Variants in RGSL1 observed in about 807,000 individuals in gnomAD.
The protein encoded by RGSL1 is regulator of G protein signaling protein-like.
RGSL1 carries 97 observed loss-of-function variants against 124.7 expected under a neutral mutation model. That is an observed-to-expected ratio of 0.78 (90% CI 0.66 to 0.92). RGSL1 has a LOEUF of 0.92. RGSL1 is among the 40% of genes least tolerant of loss of function. The pLI, the probability that RGSL1 is intolerant of heterozygous loss-of-function variation, is 0.00. For missense variants in RGSL1, 1,233 were observed against 1,288.4 expected (o/e 0.96, Z 0.66); for synonymous variants, 424 against 438.1 (o/e 0.97, Z 0.40).
intron 9 of RGSL1, among the ~76,000 whole-genome samples, chr1:182,509,794 G>A (rs1410076795): frequency 8.1e-6 from 1 of 123,372 alleles, no homozygotes; most frequent in African/African-American, 3.1e-5. Flanking sequence ...TCCCGGATGG[G>A]GCGGCTGGCC....
intron 14 of RGSL1, 101 bp downstream of exon 14, chr1:182,532,892 CCTGGAGTCTAG>C: frequency 7.5e-7 from 1 of 1,337,632 alleles, no homozygotes; most frequent in Admixed American, 2.4e-5. Flanking sequence ...CCTGCGGCAG[CCTGGAGTCTAG>C]CAAAAAAACC....
At chr1:182,519,237 A>G (rs1440934333) in intron 9 of RGSL1, among the ~76,000 whole-genome samples, 2 of 84,082 alleles carry the variant, frequency 2.4e-5, no homozygotes, top group Non-Finnish European at 5.0e-5. Flanking sequence ...TGTTCTGCCA[A>G]GCTGCCATCT....
intron 4 of RGSL1, among the ~76,000 whole-genome samples, chr1:182,463,121 G>A (rs753397458): frequency 2.6e-5 from 4 of 151,806 alleles, no homozygotes; most frequent in Non-Finnish European, 4.4e-5. Flanking sequence ...GTGAAACCCC[G>A]TCTCTATTAA....
chr1:182,530,621 T>G (rs1024165155), intron 12 of RGSL1, among the ~76,000 whole-genome samples, 169 bp from the exon 13 acceptor site: 3 of 151,924 alleles, frequency 2.0e-5, no homozygotes, highest in Admixed American at 2.0e-4. Context: ...GAAGGTTAGG[T>G]TGACATTAAC....
intron 4 of RGSL1, among the ~76,000 whole-genome samples, chr1:182,464,262 C>A (rs1253940620): frequency 6.6e-6 from 1 of 152,068 alleles, no homozygotes; most frequent in Admixed American, 6.5e-5. Flanking sequence ...CACAACTTTA[C>A]AACTTAAGGC....
chr1:182,554,598 A>T lies in RGSL1; in HGVS notation c.3131-29A>T, dbSNP rs552619709. 11 of 1,548,090 alleles carry T rather than the reference A, an allele frequency of 7.1e-6. No individual in the cohort carries two copies. The East Asian group carries it at 2.4e-4, about 34-fold the overall frequency. ...GACTGCGTCTATGTCATGAGTCCTGATGCAATTTTTCTCTGTATTTCTCTT... is the reference window on the plus strand; with the variant it reads ...GACTGCGTCTATGTCATGAGTCCTGTTGCAATTTTTCTCTGTATTTCTCTT... On this transcript the variant is annotated intron_variant, in intron 19 of 21. Transcript: ENST00000294854.
At chr1:182,535,082 T>C (rs896086268) in intron 14 of RGSL1, among the ~76,000 whole-genome samples, 13 of 152,160 alleles carry the variant, frequency 8.5e-5, no homozygotes, top group African/African-American at 2.4e-4. Flanking sequence ...ATTTGAAATA[T>C]AGCATACTTA....
At position 182,488,120 on chromosome 1, in the gene RGSL1, G is replaced by T. The variant is rs557853566; in HGVS notation, c.1432-165G>T. Among the ~76,000 whole-genome samples, 14 of 152,324 alleles carry T rather than the reference G, an allele frequency of 9.2e-5. No homozygotes were observed. In the South Asian group the frequency reaches 2.5e-3, roughly 27 times the overall value. On this transcript the variant is annotated intron_variant, in intron 6 of 21. Coordinates refer to ENST00000294854, the MANE Select transcript of RGSL1 (RefSeq NM_001137669.2). ...TTAGCTGCTCTATTCAGAGATAAAA[G>T]AATGCCTCCTGGTTGGTCATAGCTA... is the stretch of plus-strand genomic sequence containing the variant.
In RGSL1 at chr1:182,530,250, T is replaced by C; in HGVS notation, c.2132T>C (p.Met711Thr). 1 of 1,549,474 alleles carries C rather than the reference T, an allele frequency of 6.5e-7. No homozygotes were observed. The highest frequency in any genetic ancestry group is 1.2e-5 in the South Asian group (1 of 83,734). Residue 711 changes from methionine (M) to threonine (T), a missense_variant, in exon 12 of 22, where the codon ATG (methionine) becomes ACG (threonine). Met to Thr is a moderately conservative substitution (Grantham distance 81). Coordinates refer to ENST00000294854, the MANE Select transcript of RGSL1 (RefSeq NM_001137669.2). The stretch of plus-strand genomic sequence containing the variant: ...TCTCTCTTGCATTTTCTAGAAGAAA[T>C]GCTGCAGTGTGATGCCCCTATTATC... Reference protein sequence around the residue: ...FFQGQLSPEEMLQCDAPIIKE... With the variant: ...FFQGQLSPEETLQCDAPIIKE...
Position 182,473,944 on chromosome 1 carries a change from C to A in RGSL1, c.833C>A (p.Pro278His). ...CTCAAGCCAGATGCTATTGGTATGC[C>A]CCTACAGGAGACATGTCCTCAAGAG... is the stretch of plus-strand genomic sequence containing the variant. ...MDLKPDAIGMPLQETCPQEKV... is the reference protein window; with the variant it reads ...MDLKPDAIGMHLQETCPQEKV... Residue 278 changes from proline (P) to histidine (H), a missense_variant, in exon 6 of 22, where the codon CCC becomes CAC. Physicochemically the swap from Pro to His is moderately conservative, Grantham distance 77 (BLOSUM62 -2). Coordinates refer to ENST00000294854, the MANE Select transcript of RGSL1 (RefSeq NM_001137669.2). 6.4e-7 allele frequency: 1 copy of A among 1,551,992 alleles called. No individual in the cohort carries two copies. The highest frequency in any genetic ancestry group is 2.4e-5 in the East Asian group (1 of 40,918).
At chr1:182,477,263 G>A (rs1654364381) in intron 6 of RGSL1, among the ~76,000 whole-genome samples, 1 of 152,124 alleles carries the variant, frequency 6.6e-6, no homozygotes, top group South Asian at 2.1e-4. Flanking sequence ...CTCATCTCCT[G>A]TGGACTCAGT....
chr1:182,477,334 C>T (rs915478113), intron 6 of RGSL1, among the ~76,000 whole-genome samples: 1 of 152,218 alleles, frequency 6.6e-6, no homozygotes. Context: ...TTAGCAGAAA[C>T]TATGCCTGCT....
intron 15 of RGSL1, among the ~76,000 whole-genome samples, chr1:182,545,955 C>T (rs1343517437): frequency 1.3e-5 from 2 of 152,096 alleles, no homozygotes; most frequent in African/African-American, 4.8e-5. Context: ...ACATGTATGT[C>T]TTTGTCAAGT....
chr1:182,528,059 C>T (rs1346917428), intron 11 of RGSL1, among the ~76,000 whole-genome samples: 1 of 152,178 alleles, frequency 6.6e-6, no homozygotes, highest in South Asian at 2.1e-4. Context: ...CACAGTTCCA[C>T]ATGGCTGGGG....
chr1:182,460,417 T>C (rs913775733), intron 4 of RGSL1, among the ~76,000 whole-genome samples: 10 of 152,354 alleles, frequency 6.6e-5, no homozygotes, highest in Non-Finnish European at 1.2e-4. Flanking sequence ...AGGAATCTGA[T>C]GGACTGGGCT....
At chr1:182,514,668 A>G (rs367676942) in intron 9 of RGSL1, among the ~76,000 whole-genome samples, 1 of 152,284 alleles carries the variant, frequency 6.6e-6, no homozygotes, top group Non-Finnish European at 1.5e-5. Flanking sequence ...CATCTGTTGG[A>G]GGGCAAGAGT....
intron 4 of RGSL1, among the ~76,000 whole-genome samples, chr1:182,465,140 G>A (rs1453725542): frequency 6.8e-6 from 1 of 147,840 alleles, no homozygotes; most frequent in Admixed American, 6.6e-5. Flanking sequence ...AAATAAAAAG[G>A]ATTATAGAAG....
chr1:182,491,874 G>A (rs1655551058), intron 8 of RGSL1, among the ~76,000 whole-genome samples: 1 of 152,122 alleles, frequency 6.6e-6, no homozygotes. Flanking sequence ...TAGGAAGTAA[G>A]GTGCTACTAT....
chr1:182,550,371 G>A (rs1376547846), intron 17 of RGSL1: 2 of 152,194 alleles, frequency 1.3e-5, no homozygotes, highest in Non-Finnish European at 2.9e-5. Flanking sequence ...TATTGAGATA[G>A]AACAGACTGT....
Sources: allele counts gnomAD v4.1 joint callset (sites outside exome capture counted in the v4.1 genomes callset), GRCh38; gene constraint gnomAD v4.1.1; transcripts MANE v1.5; gene names NCBI Gene and HGNC (gene_info 2026-07-23, HGNC 2026-07-21).